The following SPMIP3 variants were observed in gnomAD, a reference collection of about 807,000 sequenced individuals.
SPMIP3 encodes protein SPMIP3.
the SPMIP3 span, among the ~76,000 whole-genome samples, chr1:244,369,074 G>C: frequency 6.6e-6 from 1 of 152,148 alleles, no homozygotes; most frequent in Non-Finnish European, 1.5e-5. Flanking sequence ...CAGGAGAATT[G>C]CTTGAACCTG....
the SPMIP3 span, among the ~76,000 whole-genome samples, chr1:244,379,998 C>A: frequency 6.6e-6 from 1 of 151,960 alleles, no homozygotes; most frequent in Non-Finnish European, 1.5e-5. Flanking sequence ...GACTGAGGCT[C>A]CCCGACGTAT....
the SPMIP3 span, among the ~76,000 whole-genome samples, chr1:244,383,738 A>C: frequency 1.3e-5 from 2 of 152,164 alleles, no homozygotes; most frequent in Admixed American, 1.3e-4. Flanking sequence ...GACATGTTTG[A>C]GGAACTAAAA....
At chr1:244,355,221 A>C in the SPMIP3 span, among the ~76,000 whole-genome samples, 61,647 of 152,038 alleles carry the variant, frequency 0.41, 13,004 homozygotes, top group Middle Eastern at 0.51. Context: ...TTGCAGGATT[A>C]TTTCAAGGAC....
At chr1:244,388,644 T>C in the SPMIP3 span, among the ~76,000 whole-genome samples, 7 of 152,168 alleles carry the variant, frequency 4.6e-5, no homozygotes, top group African/African-American at 1.7e-4. Context: ...TGATACAAAA[T>C]AATGCACTGA....
At chr1:244,367,192 AG>A in the SPMIP3 span, among the ~76,000 whole-genome samples, 1 of 152,184 alleles carries the variant, frequency 6.6e-6, no homozygotes, top group African/African-American at 2.4e-5. Context: ...TTGGGACGGT[AG>A]AGGCAGGAGA....
the SPMIP3 span, among the ~76,000 whole-genome samples, chr1:244,357,925 A>G: frequency 6.6e-6 from 1 of 151,974 alleles, no homozygotes; most frequent in South Asian, 2.1e-4. Flanking sequence ...AAAAAAGAAA[A>G]AAGAAGTATT....
the SPMIP3 span, among the ~76,000 whole-genome samples, chr1:244,383,094 G>T: frequency 6.6e-6 from 1 of 152,194 alleles, no homozygotes; most frequent in African/African-American, 2.4e-5. Flanking sequence ...TTGATATCAA[G>T]AACACTTTCA....
chr1:244,360,556 A>ATG, the SPMIP3 span, among the ~76,000 whole-genome samples: 1 of 24,226 alleles, frequency 4.1e-5, no homozygotes, highest in African/African-American at 9.4e-5. Context: ...ACACACACAC[A>ATG]CATGCATGCA....
At chr1:244,355,449 G>A in the SPMIP3 span, among the ~76,000 whole-genome samples, 1 of 152,124 alleles carries the variant, frequency 6.6e-6, no homozygotes, top group Non-Finnish European at 1.5e-5. Flanking sequence ...GTGTAGTGGT[G>A]TGATCTCGGC....
At chr1:244,372,351 C>A in the SPMIP3 span, among the ~76,000 whole-genome samples, 1 of 152,090 alleles carries the variant, frequency 6.6e-6, no homozygotes, top group Non-Finnish European at 1.5e-5. Context: ...TTGAGTCGAA[C>A]TGAAGGCATA....
the SPMIP3 span, among the ~76,000 whole-genome samples, chr1:244,366,706 C>A: frequency 2.0e-5 from 3 of 152,014 alleles, no homozygotes; most frequent in African/African-American, 7.2e-5. Flanking sequence ...ATGGTGAAAC[C>A]CTGTCTCTAC....
the SPMIP3 span, among the ~76,000 whole-genome samples, chr1:244,368,252 C>A: frequency 6.6e-6 from 1 of 152,128 alleles, no homozygotes; most frequent in African/African-American, 2.4e-5. Context: ...AGCCACTGCA[C>A]CTGGCCTACT....
chr1:244,363,038 G>T, the SPMIP3 span, among the ~76,000 whole-genome samples: 5 of 149,002 alleles, frequency 3.4e-5, no homozygotes, highest in African/African-American at 1.2e-4. Context: ...TTTTCATAGA[G>T]TTGGGGTCTC....
At chr1:244,369,149 A>C in the SPMIP3 span, among the ~76,000 whole-genome samples, 1 of 151,670 alleles carries the variant, frequency 6.6e-6, no homozygotes, top group Non-Finnish European at 1.5e-5. Flanking sequence ...ACAGAGCCAG[A>C]CTCCGTCTCA....
the SPMIP3 span, among the ~76,000 whole-genome samples, chr1:244,383,587 T>C: frequency 6.6e-6 from 1 of 152,062 alleles, no homozygotes; most frequent in Admixed American, 6.6e-5. Context: ...TAGGAGCATA[T>C]AGTAAGTCAG....
chr1:244,386,502 G>A, the SPMIP3 span, among the ~76,000 whole-genome samples: 1 of 152,214 alleles, frequency 6.6e-6, no homozygotes, highest in Admixed American at 6.5e-5. Flanking sequence ...ACCTGGTTAA[G>A]TTGTGTATGA....
chr1:244,381,690 C>T, the SPMIP3 span, among the ~76,000 whole-genome samples: 1 of 152,194 alleles, frequency 6.6e-6, no homozygotes, highest in African/African-American at 2.4e-5. Flanking sequence ...TAGCCCTTTG[C>T]AAGGCCGAAG....
the SPMIP3 span, among the ~76,000 whole-genome samples, chr1:244,354,636 C>T: frequency 6.6e-6 from 1 of 152,220 alleles, no homozygotes; most frequent in African/African-American, 2.4e-5. Context: ...GCTGGGATTA[C>T]AGGCATAAGC....
At chr1:244,371,860 T>C in the SPMIP3 span, among the ~76,000 whole-genome samples, 1 of 152,226 alleles carries the variant, frequency 6.6e-6, no homozygotes. Context: ...TTCCCTTTAT[T>C]GTGCCAGTTC....
Sources: allele counts gnomAD v4.1 joint callset (sites outside exome capture counted in the v4.1 genomes callset), GRCh38; gene constraint gnomAD v4.1.1; transcripts MANE v1.5; gene names NCBI Gene and HGNC (gene_info 2026-07-23, HGNC 2026-07-21).